STAG1: variants seen among roughly 807,000 people sequenced by gnomAD.
The protein encoded by STAG1 is STAG1 cohesin complex component, also known as cohesin subunit SA-1.
Under a neutral mutation model 170.9 loss-of-function variants are expected in STAG1, and 26 were observed. The ratio of observed to expected loss-of-function variants is 0.15; its 90% CI spans 0.11 to 0.21. STAG1 has a LOEUF of 0.21. STAG1 is among the 10% of genes least tolerant of loss of function. The probability of loss-of-function intolerance (pLI) is 1.00; values close to 1 mark genes in which losing one functional copy is unlikely to be tolerated. For synonymous variants in STAG1, 514 were observed against 497.7 expected, an observed-to-expected ratio of 1.03 and a Z score of -0.44; for missense variants, 964 against 1,509.5, an observed-to-expected ratio of 0.64 and a Z score of 5.99.
chr3:136,418,173 G>A (rs1207897330), intron 20 of STAG1, among the ~76,000 whole-genome samples: 5 of 151,826 alleles, frequency 3.3e-5, no homozygotes, highest in Admixed American at 3.3e-4. Flanking sequence ...GGCCAACATG[G>A]TGAAACCCTG....
chr3:136,623,934 G>C (rs1417422004), intron 2 of STAG1, among the ~76,000 whole-genome samples: 1 of 151,718 alleles, frequency 6.6e-6, no homozygotes, highest in Non-Finnish European at 1.5e-5. Context: ...TGGGCAACAG[G>C]GCAATACTCT....
intron 3 of STAG1, among the ~76,000 whole-genome samples, chr3:136,619,227 T>C (rs1461641410): frequency 1.3e-5 from 2 of 151,008 alleles, no homozygotes; most frequent in African/African-American, 4.9e-5. Flanking sequence ...GGTGGGGCAG[T>C]GCTTATTTAA....
chr3:136,745,496 C>T (rs1376000398), intron 1 of STAG1, among the ~76,000 whole-genome samples: 4 of 152,160 alleles, frequency 2.6e-5, no homozygotes, highest in South Asian at 2.1e-4. Flanking sequence ...TGTTCCACCT[C>T]AGATCATCAT....
chr3:136,462,456 T>C (rs908540318), intron 13 of STAG1, among the ~76,000 whole-genome samples: 3 of 152,148 alleles, frequency 2.0e-5, no homozygotes, highest in Non-Finnish European at 4.4e-5. Flanking sequence ...AAATATCTCA[T>C]GTTCTCACTT....
Position 136,693,864 on chromosome 3 carries a change from T to C in STAG1, c.-84+58331A>G, listed in dbSNP as rs961515392. 1.3e-5 allele frequency among the ~76,000 whole-genome samples: 2 copies of C among 152,114 alleles called. 1 individual carries two copies. Among genetic ancestry groups the C allele is most frequent in the South Asian group, 4.1e-4 (2 of 4,834 alleles). Reference sequence around the variant, plus strand: ...CTAAGATTACAGGCATTAGCCACCATGCCTGGCCTTTGCTGATATTTTTTT... The same window carrying C: ...CTAAGATTACAGGCATTAGCCACCACGCCTGGCCTTTGCTGATATTTTTTT... On this transcript the variant is annotated intron_variant, in intron 1 of 33. Transcript: ENST00000383202.
chr3:136,605,548 T>A (rs1169552515), intron 3 of STAG1, among the ~76,000 whole-genome samples: 1 of 152,184 alleles, frequency 6.6e-6, no homozygotes, highest in Non-Finnish European at 1.5e-5. Context: ...CTTTCAGTTA[T>A]CTTTCCCCTC....
rs756906447 is a variant in STAG1 at position 136,343,974 on chromosome 3, T to A, written c.3304A>T (p.Thr1102Ser). 1.4e-5 allele frequency: 23 copies of A among 1,605,438 alleles called. No homozygotes were observed. Among genetic ancestry groups the A allele is most frequent in the Non-Finnish European group, 8.5e-7 (1 of 1,177,246 alleles). The change falls in exon 30 of 34, where the codon ACT becomes TCT. Residue 1102 changes from threonine (T) to serine (S), a missense_variant. By Grantham distance (58) the Thr-to-Ser change is moderately conservative. Around this residue, in one of 11 missense-constraint regions of STAG1, gnomAD observed 122 missense variants for 129.0 expected, o/e 0.95. Transcript: ENST00000383202. ...CCAGGAGTCTGAATCATGGTGTCAG[T>A]CCTGTTTAGCCATGTGTTATCCAGA... ...ESLDNTWLNR[T>S]DTMIQTPGPL...
At chr3:136,609,690 T>C (rs894127227) in intron 3 of STAG1, 5 of 172,844 alleles carry the variant, frequency 2.9e-5, no homozygotes, top group Non-Finnish European at 6.0e-5. Flanking sequence ...TAAATGCAAG[T>C]TTTTTAGTAG....
chr3:136,423,817 C>A (rs1277243014), intron 16 of STAG1, among the ~76,000 whole-genome samples: 1 of 151,856 alleles, frequency 6.6e-6, no homozygotes, highest in Admixed American at 6.6e-5. Flanking sequence ...AGAATATGTG[C>A]AAGAAGTAAT....
At chr3:136,581,748 C>A (rs1245731321) in intron 4 of STAG1, among the ~76,000 whole-genome samples, 2 of 151,878 alleles carry the variant, frequency 1.3e-5, no homozygotes, top group Non-Finnish European at 2.9e-5. Context: ...AATTATAACA[C>A]AATCAAAATG....
intron 22 of STAG1, among the ~76,000 whole-genome samples, chr3:136,389,449 C>T (rs1242831442): frequency 6.6e-6 from 1 of 152,078 alleles, no homozygotes; most frequent in African/African-American, 2.4e-5. Context: ...CACACCACCA[C>T]ACTTGGCTAA....
intron 25 of STAG1, among the ~76,000 whole-genome samples, chr3:136,364,491 G>C (rs928156693): frequency 6.6e-6 from 1 of 151,710 alleles, no homozygotes; most frequent in African/African-American, 2.4e-5. Flanking sequence ...AGTTAAAACT[G>C]CTTACTTCTG....
intron 4 of STAG1, 138 bp from the exon 5 acceptor site, chr3:136,568,999 GC>G (rs1470586604): frequency 9.6e-6 from 6 of 622,372 alleles, no homozygotes; most frequent in South Asian, 8.5e-5. Flanking sequence ...TTTCTCTGTA[GC>G]CTAATAAAAG....
At chr3:136,412,937 A>T (rs967215586) in intron 21 of STAG1, among the ~76,000 whole-genome samples, 5 of 149,878 alleles carry the variant, frequency 3.3e-5, no homozygotes, top group Non-Finnish European at 7.4e-5. Context: ...ATCTCAGCTC[A>T]CTGCAACCTC....
intron 15 of STAG1, among the ~76,000 whole-genome samples, chr3:136,441,483 T>C (rs1338089707): frequency 6.6e-6 from 1 of 152,204 alleles, no homozygotes; most frequent in Non-Finnish European, 1.5e-5. Context: ...TCACACATAA[T>C]AAATTAGAAA....
intron 9 of STAG1, among the ~76,000 whole-genome samples, chr3:136,479,069 T>C (rs2089845875): frequency 6.6e-6 from 1 of 150,550 alleles, no homozygotes; most frequent in African/African-American, 2.4e-5. Context: ...TCTTTTTTTT[T>C]TTTTTTTAAT....
chr3:136,439,512 C>CT (rs2088571488), intron 15 of STAG1, among the ~76,000 whole-genome samples: 1 of 151,256 alleles, frequency 6.6e-6, no homozygotes, highest in South Asian at 2.1e-4. Context: ...AGTGTGTCTG[C>CT]TTTCCCAAAA....
At chr3:136,652,546 G>T (rs769603694) in intron 1 of STAG1, among the ~76,000 whole-genome samples, 6 of 152,070 alleles carry the variant, frequency 3.9e-5, no homozygotes, top group Non-Finnish European at 5.9e-5. Context: ...AATAGTAAAG[G>T]TTCTGGCCAA....
intron 23 of STAG1, among the ~76,000 whole-genome samples, chr3:136,369,522 A>G (rs1937210509): frequency 6.6e-6 from 1 of 152,148 alleles, no homozygotes; most frequent in Non-Finnish European, 1.5e-5. Flanking sequence ...ACTTTGCTGT[A>G]TCAACTCAAA....
Sources: allele counts gnomAD v4.1 joint callset (sites outside exome capture counted in the v4.1 genomes callset), GRCh38; gene constraint gnomAD v4.1.1; regional missense constraint gnomAD v4.1.1; transcripts MANE v1.5; gene names NCBI Gene and HGNC (gene_info 2026-07-23, HGNC 2026-07-21).